The following CDH8 variants were observed in gnomAD, a reference collection of about 807,000 sequenced individuals.
CDH8 encodes cadherin 8.
A neutral mutation model predicts 68.1 loss-of-function variants in CDH8; 17 were observed. That is an observed-to-expected ratio of 0.25 (90% CI 0.17 to 0.37). CDH8 has a LOEUF of 0.37. CDH8 is among the 10% of genes least tolerant of loss of function. CDH8 has a pLI of 1.00. For missense variants in CDH8, 763 were observed against 999.3 expected (o/e 0.76, Z 3.19); for synonymous variants, 372 against 365.1 (o/e 1.02, Z -0.21).
chr16:62,003,916 A>G (rs927725164), intron 2 of CDH8, among the ~76,000 whole-genome samples: 1 of 152,128 alleles, frequency 6.6e-6, no homozygotes, highest in African/African-American at 2.4e-5. Flanking sequence ...TTCTCCTTCC[A>G]CTTAGTAAAA....
intron 4 of CDH8, among the ~76,000 whole-genome samples, chr16:61,828,041 T>TA (rs1169062949): frequency 6.6e-6 from 1 of 151,482 alleles, no homozygotes; most frequent in Non-Finnish European, 1.5e-5. Context: ...CATTCTAACT[T>TA]ACAGGATGAG....
chr16:61,734,439 C>T (rs1341780447), intron 8 of CDH8, among the ~76,000 whole-genome samples: 1 of 152,132 alleles, frequency 6.6e-6, no homozygotes, highest in Non-Finnish European at 1.5e-5. Flanking sequence ...ATGTTCACCT[C>T]CTACTCCCTT....
At chr16:61,659,917 G>C (rs1414660294) in intron 10 of CDH8, among the ~76,000 whole-genome samples, 1 of 152,138 alleles carries the variant, frequency 6.6e-6, no homozygotes, top group Non-Finnish European at 1.5e-5. Flanking sequence ...AGTAATTTAG[G>C]TTCCAAGGCA....
intron 4 of CDH8, among the ~76,000 whole-genome samples, chr16:61,832,136 C>T (rs1962468175): frequency 6.6e-6 from 1 of 151,726 alleles, no homozygotes; most frequent in Non-Finnish European, 1.5e-5. Context: ...CACCTTACCA[C>T]TGAATAACAG....
intron 1 of CDH8, among the ~76,000 whole-genome samples, chr16:62,025,633 A>G (rs1424317126): frequency 6.6e-6 from 1 of 152,174 alleles, no homozygotes; most frequent in Non-Finnish European, 1.5e-5. Context: ...CTTATATGCC[A>G]TCTCTTAGAT....
At chr16:61,687,258 A>T (rs1964127843) in intron 10 of CDH8, among the ~76,000 whole-genome samples, 1 of 151,994 alleles carries the variant, frequency 6.6e-6, no homozygotes, top group Non-Finnish European at 1.5e-5. Context: ...TAAGCCAAAA[A>T]AAAATCGGTC....
At chr16:61,859,931 G>A (rs529142035) in intron 3 of CDH8, among the ~76,000 whole-genome samples, 4 of 152,030 alleles carry the variant, frequency 2.6e-5, no homozygotes, top group South Asian at 2.1e-4. Context: ...CACTGCAACC[G>A]CCTCCAGGGT....
At chr16:61,876,131 T>C (rs1963454932) in intron 3 of CDH8, among the ~76,000 whole-genome samples, 1 of 152,134 alleles carries the variant, frequency 6.6e-6, no homozygotes, top group Admixed American at 6.6e-5. Context: ...CGCCTCAGCC[T>C]CCCAAAGTAC....
intron 3 of CDH8, among the ~76,000 whole-genome samples, chr16:61,872,349 A>G (rs1052343027): frequency 4.6e-5 from 7 of 152,194 alleles, no homozygotes; most frequent in African/African-American, 1.7e-4. Context: ...GTTTCTATGC[A>G]TTTTACGGAG....
intron 8 of CDH8, among the ~76,000 whole-genome samples, chr16:61,788,813 T>C (rs758961498): frequency 2.2e-4 from 33 of 152,002 alleles, no homozygotes; most frequent in Admixed American, 6.6e-4. Context: ...GATATAATTT[T>C]AAACAGCCTA....
At chr16:61,705,644 T>C (rs1309329445) in intron 10 of CDH8, among the ~76,000 whole-genome samples, 1 of 152,202 alleles carries the variant, frequency 6.6e-6, no homozygotes, top group Non-Finnish European at 1.5e-5. Flanking sequence ...ATCACCATTC[T>C]GACCAGACAA....
intron 2 of CDH8, among the ~76,000 whole-genome samples, chr16:61,969,159 G>A (rs1381208906): frequency 1.3e-5 from 2 of 152,168 alleles, no homozygotes; most frequent in Non-Finnish European, 2.9e-5. Flanking sequence ...CCCTTATATG[G>A]GCAATAATGA....
chr16:61,850,008 C>G (rs577321836), intron 4 of CDH8, among the ~76,000 whole-genome samples: 29 of 152,106 alleles, frequency 1.9e-4, no homozygotes, highest in African/African-American at 6.5e-4. Context: ...TTAAAAATTG[C>G]GTACTTAATG....
intron 10 of CDH8, chr16:61,692,771 T>G (rs1316065923): frequency 6.6e-6 from 1 of 152,072 alleles, no homozygotes; most frequent in Non-Finnish European, 1.5e-5. Flanking sequence ...GGTGAGTAGA[T>G]GGGTTAAAGT....
At chr16:61,962,137 T>C (rs10451107) in intron 2 of CDH8, among the ~76,000 whole-genome samples, 22,153 of 152,190 alleles carry the variant, frequency 0.15, 1,701 homozygotes, top group African/African-American at 0.21. Flanking sequence ...ATCCTCATTG[T>C]CTTCACCTTG....
chr16:61,743,886 G>A (rs1290378444), intron 8 of CDH8, among the ~76,000 whole-genome samples: 2 of 151,918 alleles, frequency 1.3e-5, no homozygotes, highest in African/African-American at 4.8e-5. Context: ...TAATTTCTTT[G>A]TTTTTCATGG....
At chr16:61,683,733 A>G (rs2142808091) in intron 10 of CDH8, among the ~76,000 whole-genome samples, 1 of 152,112 alleles carries the variant, frequency 6.6e-6, no homozygotes, top group South Asian at 2.1e-4. Context: ...CCCTCCCATT[A>G]AGAGTCTTAT....
intron 8 of CDH8, among the ~76,000 whole-genome samples, chr16:61,756,690 T>C (rs1358437664): frequency 6.6e-6 from 1 of 152,202 alleles, no homozygotes; most frequent in Non-Finnish European, 1.5e-5. Flanking sequence ...TTCATTCTTT[T>C]CACTTCAGCA....
chr16:61,833,666 C>T (rs750932366), intron 4 of CDH8, among the ~76,000 whole-genome samples: 3 of 151,790 alleles, frequency 2.0e-5, no homozygotes, highest in Non-Finnish European at 4.4e-5. Context: ...CAGCATATGC[C>T]TTTGATTTTC....
Sources: gnomAD v4.1 joint callset for allele counts (sites outside exome capture counted in the v4.1 genomes callset) on GRCh38, gnomAD v4.1.1 for gene constraint, MANE v1.5 for transcripts, NCBI Gene and HGNC (gene_info 2026-07-23, HGNC 2026-07-21) for gene names.